CALCR: variants seen among roughly 807,000 people sequenced by gnomAD.
CALCR encodes calcitonin receptor.
CALCR carries 47 observed loss-of-function variants against 59.5 expected under a neutral mutation model. The observed-to-expected ratio is 0.79, with a 90% confidence interval of 0.63 to 1.01. The LOEUF is 1.01. Ranked by LOEUF, CALCR falls within the 50% of genes least tolerant of loss-of-function variation. The probability of loss-of-function intolerance (pLI) is 0.00; values close to 1 mark genes in which losing one functional copy is unlikely to be tolerated. For synonymous variants in CALCR, 213 were observed against 211.3 expected (o/e 1.01, Z -0.07); for missense variants, 566 against 597.1 (o/e 0.95, Z 0.54).
intron 2 of CALCR, among the ~76,000 whole-genome samples, chr7:93,553,974 T>A (rs77070363): frequency 6.6e-6 from 1 of 152,164 alleles, no homozygotes; most frequent in Non-Finnish European, 1.5e-5. Flanking sequence ...AAAGCAGAGA[T>A]CTAGAGCAGA....
chr7:93,533,372 C>A (rs767955615), intron 2 of CALCR, among the ~76,000 whole-genome samples: 11 of 151,928 alleles, frequency 7.2e-5, no homozygotes, highest in Non-Finnish European at 1.6e-4. Flanking sequence ...TGGCGCCAAT[C>A]ATCCAGTATG....
At chr7:93,492,764 C>T (rs970865453) in intron 2 of CALCR, among the ~76,000 whole-genome samples, 1 of 151,078 alleles carries the variant, frequency 6.6e-6, no homozygotes, top group Non-Finnish European at 1.5e-5. Flanking sequence ...AATATAGGGC[C>T]TTATAAGATG....
chr7:93,508,015 C>T (rs963435638), intron 2 of CALCR, among the ~76,000 whole-genome samples: 9 of 151,936 alleles, frequency 5.9e-5, no homozygotes, highest in Non-Finnish European at 8.8e-5. Flanking sequence ...AATTAATATA[C>T]CCAATTTCCT....
chr7:93,479,646 T>A, intron 3 of CALCR, 139 bp from the exon 4 acceptor site: 1 of 707,158 alleles, frequency 1.4e-6, no homozygotes, highest in Non-Finnish European at 2.3e-6. Flanking sequence ...GTACAGTTTT[T>A]TTCATATATA....
intron 2 of CALCR, among the ~76,000 whole-genome samples, chr7:93,568,078 G>T (rs897132884): frequency 6.6e-6 from 1 of 152,000 alleles, no homozygotes; most frequent in Non-Finnish European, 1.5e-5. Flanking sequence ...TACTACATGG[G>T]TATTTAATAT....
intron 2 of CALCR, among the ~76,000 whole-genome samples, chr7:93,556,455 T>C (rs1455032489): frequency 6.6e-6 from 1 of 152,118 alleles, no homozygotes; most frequent in Non-Finnish European, 1.5e-5. Context: ...AAAATACATA[T>C]TTTAAATTAT....
At chr7:93,462,074 A>G (rs1405353064) in intron 7 of CALCR, 19 of 1,500,406 alleles carry the variant, frequency 1.3e-5, no homozygotes, top group Non-Finnish European at 1.5e-5. Flanking sequence ...ATGCCTTCCT[A>G]TATTTCCAAT....
At position 93,460,966 on chromosome 7, in the gene CALCR, TA is replaced by T. The variant is rs778591903; in HGVS notation, c.522-20del. ...AAGGCTCCTGGAAGAAAAAGTAACATAAAGCATTAACCAGTGCCAAAATGTT... is the reference window on the plus strand; with the variant it reads ...AAGGCTCCTGGAAGAAAAAGTAACATAAGCATTAACCAGTGCCAAAATGTT... On this transcript the variant is annotated intron_variant, in intron 7 of 13. Coordinates refer to ENST00000426151, the MANE Select transcript of CALCR (RefSeq NM_001742.4). 1 of 1,601,396 alleles carries T rather than the reference TA, an allele frequency of 6.2e-7. No homozygotes were observed. The highest frequency in any genetic ancestry group is 8.5e-7 in the Non-Finnish European group (1 of 1,174,804).
intron 2 of CALCR, among the ~76,000 whole-genome samples, chr7:93,513,174 T>G (rs1481734258): frequency 1.3e-5 from 2 of 152,168 alleles, no homozygotes; most frequent in African/African-American, 4.8e-5. Context: ...TAGCATGGTC[T>G]TCACGTAATA....
At chr7:93,527,376 G>T (rs1364828121) in intron 2 of CALCR, among the ~76,000 whole-genome samples, 1 of 150,142 alleles carries the variant, frequency 6.7e-6, no homozygotes, top group Non-Finnish European at 1.5e-5. Context: ...TTTAAATGGT[G>T]TATCTAAATA....
intron 2 of CALCR, among the ~76,000 whole-genome samples, chr7:93,573,035 C>A (rs1050116577): frequency 6.6e-6 from 1 of 152,092 alleles, no homozygotes; most frequent in African/African-American, 2.4e-5. Flanking sequence ...AAATGAGTAT[C>A]CACTGAGAAT....
intron 2 of CALCR, among the ~76,000 whole-genome samples, chr7:93,554,266 T>C (rs748404385): frequency 2.6e-4 from 39 of 152,316 alleles, no homozygotes; most frequent in Non-Finnish European, 5.1e-4. Context: ...ATCATTTCTA[T>C]TACAAGTCAT....
chr7:93,543,647 A>G (rs763620563), intron 2 of CALCR, among the ~76,000 whole-genome samples: 1 of 136,232 alleles, frequency 7.3e-6, no homozygotes, highest in Non-Finnish European at 1.7e-5. Flanking sequence ...TGTATGGCCC[A>G]TGATTATATA....
intron 8 of CALCR, among the ~76,000 whole-genome samples, chr7:93,447,855 C>T (rs1426125297): frequency 6.6e-6 from 1 of 151,930 alleles, no homozygotes; most frequent in African/African-American, 2.4e-5. Flanking sequence ...ACTACACACA[C>T]ATTTTGTCCT....
Position 93,479,416 on chromosome 7 carries a change from ATCT to A in CALCR, c.140_142del (p.Lys47del). On this transcript the variant is annotated inframe_deletion, in exon 4 of 14. Coordinates refer to ENST00000426151, the MANE Select transcript of CALCR (RefSeq NM_001742.4). ...ATAGCATTTGTACTGTGCATCCATC[ATCT>A]TCTTTCGTCCTACGACGTAAAGAAA... 1 of 1,612,626 alleles carries A rather than the reference ATCT, an allele frequency of 6.2e-7. No individual in the cohort carries two copies. The highest frequency in any genetic ancestry group is 1.1e-5 in the South Asian group (1 of 91,024).
chr7:93,535,018 A>C (rs984454306), intron 2 of CALCR, among the ~76,000 whole-genome samples: 1 of 151,706 alleles, frequency 6.6e-6, no homozygotes, highest in African/African-American at 2.4e-5. Flanking sequence ...CAAGATAATT[A>C]AATTAGTCAG....
chr7:93,549,540 A>G (rs1164527750), intron 2 of CALCR, among the ~76,000 whole-genome samples: 6 of 152,192 alleles, frequency 3.9e-5, no homozygotes, highest in Non-Finnish European at 8.8e-5. Context: ...GATGAAGTTA[A>G]TCATTATTTT....
chr7:93,471,985 C>T (rs549815908), intron 6 of CALCR, among the ~76,000 whole-genome samples: 3 of 151,712 alleles, frequency 2.0e-5, no homozygotes, highest in South Asian at 4.1e-4. Context: ...GGGAAGCATG[C>T]TATCTTGTGA....
chr7:93,444,616 T>C (rs1426342013), intron 8 of CALCR, among the ~76,000 whole-genome samples: 1 of 152,044 alleles, frequency 6.6e-6, no homozygotes, highest in African/African-American at 2.4e-5. Flanking sequence ...CCACACACTC[T>C]TGACAATCAA....
Sources: gnomAD v4.1 joint callset for allele counts (sites outside exome capture counted in the v4.1 genomes callset) on GRCh38, gnomAD v4.1.1 for gene constraint, MANE v1.5 for transcripts, NCBI Gene and HGNC (gene_info 2026-07-23, HGNC 2026-07-21) for gene names.